The following CACNA1D variants were observed in gnomAD, a reference collection of about 807,000 sequenced individuals.
CACNA1D encodes voltage-dependent L-type calcium channel subunit alpha-1D.
Under a neutral mutation model 257.1 loss-of-function variants are expected in CACNA1D, and 55 were observed. The observed-to-expected ratio is 0.21, with a 90% CI of 0.17 to 0.27. The LOEUF is 0.27. Among genes scored for constraint, CACNA1D ranks in the 10% least tolerant of loss-of-function variants. CACNA1D has a pLI of 1.00. For synonymous variants in CACNA1D, 980 were observed against 1,014.9 expected (o/e 0.97, Z 0.65); for missense variants, 1,876 against 2,784.0 (o/e 0.67, Z 7.34).
chr3:53,538,141 G>GTTTTTTTTTTTTTTTTTTTT lies in CACNA1D; in HGVS notation c.483+36428_483+36447dup, dbSNP rs538996336. Reference sequence around the variant, plus strand: ...TTCTCCATATTTACCAGTTTTTGAAGTTTTTTTTTTTTTTTTTTTTTTTTT... The same window carrying GTTTTTTTTTTTTTTTTTTTT: ...TTCTCCATATTTACCAGTTTTTGAAGTTTTTTTTTTTTTTTTTTTTTTTTTTTTTTTTTTTTTTTTTTTTT... On this transcript the variant is annotated intron_variant, in intron 3 of 47. Coordinates refer to ENST00000350061, the MANE Select transcript of CACNA1D (RefSeq NM_001128840.3). Among the ~76,000 whole-genome samples the GTTTTTTTTTTTTTTTTTTTT allele has an allele frequency of 8.8e-5, 8 of 90,468 alleles. 2 individuals are homozygous for GTTTTTTTTTTTTTTTTTTTT. Among genetic ancestry groups the GTTTTTTTTTTTTTTTTTTTT allele is most frequent in the African/African-American group, 4.8e-4 (8 of 16,674 alleles). 59.4% of individuals were successfully genotyped at this position (90,468 alleles called of 152,430 possible).
rs149240046 is a variant in CACNA1D, at chr3:53,578,519, C to T, written c.484-72260C>T. On this transcript the variant is annotated intron_variant, in intron 3 of 47. Transcript: ENST00000350061. ...AAGTCTTTAAGGGGTCGAGTGAGGGCGTGGAGGAGGCAGCCTTCATCTTTC... is the reference window on the plus strand; with the variant it reads ...AAGTCTTTAAGGGGTCGAGTGAGGGTGTGGAGGAGGCAGCCTTCATCTTTC... Among the ~76,000 whole-genome samples the T allele has an allele frequency of 3.1e-3, 469 of 152,160 alleles. 3 individuals are homozygous for T. The highest frequency in any genetic ancestry group is 0.011 in the African/African-American group (437 of 41,500).
chr3:53,615,336 C>T (rs1050248233), intron 3 of CACNA1D, among the ~76,000 whole-genome samples: 22 of 152,206 alleles, frequency 1.4e-4, no homozygotes, highest in African/African-American at 4.1e-4. Context: ...GAGGATCACC[C>T]GGGTTCCAGA....
In CACNA1D at chr3:53,494,684, G is replaced by A; in HGVS notation, c.-483G>A. The A allele has an allele frequency of 6.8e-6, 1 of 146,084 alleles. No individual in the cohort carries two copies. Among genetic ancestry groups the A allele is most frequent in the South Asian group, 1.8e-4 (1 of 5,500 alleles). The allele number at this position is 146,084 out of a possible 1,614,324, so 9.0% of individuals were successfully genotyped here. ...CGAGCGCCTCCGTCCCCGGATGTGA[G>A]CTCCGGCTGCCCGCGGTCCCGAGCC... is the stretch of plus-strand genomic sequence containing the variant. On this transcript the variant is annotated 5_prime_UTR_variant, in exon 1 of 48. Transcript: ENST00000350061.
At chr3:53,803,311 G>C in intron 43 of CACNA1D, 112 bp from the exon 44 acceptor site, 1 of 1,181,202 alleles carries the variant, frequency 8.5e-7, no homozygotes. Context: ...GGTGCGCGCT[G>C]GGAGAAGCCA....
Position 53,743,052 on chromosome 3 carries a change from C to T in CACNA1D, c.2853C>T (p.Cys951=), listed in dbSNP as rs147169370. ...CTTTCCTCCACAAAGGGGCCTTCTG[C>T]AGGAACTACTTCAATTTGCTGGATA... ...FGAFLHKGAF[C]RNYFNLLDML... Residue 951 remains cysteine (C), a synonymous_variant, in exon 22 of 48, where the codon TGC becomes TGT. Transcript: ENST00000350061. 2.3e-4 allele frequency: 365 copies of T among 1,613,720 alleles called. 3 individuals carry two copies. In the East Asian group the frequency reaches 7.6e-3, roughly 33 times the overall value.
chr3:53,723,345 G>A lies in CACNA1D; in HGVS notation c.1667-89G>A. The A allele has an allele frequency of 1.1e-6, 1 of 906,572 alleles. No homozygotes were observed. The highest frequency in any genetic ancestry group is 1.9e-6 in the Non-Finnish European group (1 of 536,850). The allele number at this position is 906,572 out of a possible 1,614,324, so 56.2% of individuals were successfully genotyped here. On this transcript the variant is annotated intron_variant, in intron 12 of 47. Transcript: ENST00000350061. The surrounding 1 kb of genome is among the most constrained non-coding windows in gnomAD (Gnocchi z 5.6). ...CAAGGTATTGGCGTATTTCCTGTGG[G>A]GCCTGATAGGGAGGGAGGTGTGAGG... is the stretch of plus-strand genomic sequence containing the variant.
chr3:53,693,299 C>G (rs2094544876), intron 8 of CACNA1D, among the ~76,000 whole-genome samples: 1 of 152,168 alleles, frequency 6.6e-6, no homozygotes, highest in Admixed American at 6.5e-5. Flanking sequence ...CCACCCCACT[C>G]TGCCTATTGG....
At chr3:53,684,449 C>T (rs1414919281) in intron 8 of CACNA1D, among the ~76,000 whole-genome samples, 1 of 151,890 alleles carries the variant, frequency 6.6e-6, no homozygotes, top group African/African-American at 2.4e-5. Flanking sequence ...TGGAGAAACC[C>T]CGTCTCTACT....
At position 53,810,771 on chromosome 3, in the gene CACNA1D, A is replaced by C. The variant is rs1420316471; in HGVS notation, c.6193-342A>C. Among the ~76,000 whole-genome samples, 42 of 146,836 alleles carry C rather than the reference A, an allele frequency of 2.9e-4. 2 individuals carry two copies. Among genetic ancestry groups the C allele is most frequent in the Admixed American group, 2.0e-3 (26 of 13,176 alleles). ...AGACTCTTGTCTCAAAAAAAAAAAA[A>C]AAAAAAAAAAAAAAACAAAAACTGG... On this transcript the variant is annotated intron_variant, in intron 47 of 47. Transcript: ENST00000350061.
At chr3:53,566,166 C>T (rs536383770) in intron 3 of CACNA1D, among the ~76,000 whole-genome samples, 1 of 152,190 alleles carries the variant, frequency 6.6e-6, no homozygotes, top group Non-Finnish European at 1.5e-5. Context: ...ACCTGTCAGT[C>T]TGAAGTCTTC....
At chr3:53,740,587 G>C in intron 21 of CACNA1D, 1 of 456,294 alleles carries the variant, frequency 2.2e-6, no homozygotes, top group South Asian at 2.7e-5. Context: ...TGTCTTTCGT[G>C]GTTGAGCTAA....
chr3:53,806,201 C>T (rs1304536270), intron 45 of CACNA1D, among the ~76,000 whole-genome samples: 8 of 107,606 alleles, frequency 7.4e-5, no homozygotes, highest in African/African-American at 2.3e-4. Flanking sequence ...CCTCCCTCCT[C>T]CCTCATCTTC....
rs775566049 is a variant in CACNA1D, at chr3:53,811,152, C to A, written c.6232C>A (p.Pro2078Thr). ...AGGCTTGGGACGCTATGCAAGGGAC[C>A]CAAAATTTGTGTCAGCAACAAAACA... ...SEGLGRYARD[P>T]KFVSATKHEI... Residue 2078 changes from proline to threonine, a missense_variant, in exon 48 of 48, where the codon CCA becomes ACA. Coordinates refer to ENST00000350061, the MANE Select transcript of CACNA1D (RefSeq NM_001128840.3). This position sits in a 1 kb window ranked among gnomAD's most constrained non-coding sequence, Gnocchi z 4.2. 1 of 1,613,984 alleles carries A rather than the reference C, an allele frequency of 6.2e-7. No homozygotes were observed. Among genetic ancestry groups the A allele is most frequent in the South Asian group, 1.1e-5 (1 of 91,084 alleles).
chr3:53,566,019 T>C (rs1046764086), intron 3 of CACNA1D, among the ~76,000 whole-genome samples: 5 of 152,224 alleles, frequency 3.3e-5, no homozygotes, highest in African/African-American at 1.2e-4. Context: ...AGCAGTCAAA[T>C]TTCAAGTAAC....
intron 45 of CACNA1D, chr3:53,808,307 G>A (rs984013945): frequency 7.3e-5 from 22 of 301,458 alleles, no homozygotes; most frequent in East Asian, 6.3e-4. Context: ...CCAGCTACTC[G>A]GGAGGCTGAG....
In CACNA1D at chr3:53,800,250, C is replaced by T. The variant is rs2106766763; in HGVS notation, c.4925C>T (p.Ala1642Val). ...GTTCTGCCATTTTCATTGATCTAGG[C>T]GGGATTAAGGACACTGCATGACATT... ...PAKNTTIALQ[A>V]GLRTLHDIGP... The change falls in exon 41 of 48, where the codon GCG (alanine) becomes GTG (valine). Residue 1642 changes from alanine to valine, a missense_variant and splice_region_variant. Ala to Val is a moderately conservative substitution (Grantham distance 64). Coordinates refer to ENST00000350061, the MANE Select transcript of CACNA1D (RefSeq NM_001128840.3). The surrounding 1 kb of genome is among the most constrained non-coding windows in gnomAD (Gnocchi z 4.3). 1 of 1,607,596 alleles carries T rather than the reference C, an allele frequency of 6.2e-7. No homozygotes were observed. Among genetic ancestry groups the T allele is most frequent in the Non-Finnish European group, 8.5e-7 (1 of 1,174,020 alleles).
chr3:53,638,142 A>G (rs1157046348), intron 3 of CACNA1D, among the ~76,000 whole-genome samples: 1 of 152,236 alleles, frequency 6.6e-6, no homozygotes, highest in Admixed American at 6.5e-5. Context: ...ACCCACAGAC[A>G]TTCTTAGCCT....
At chr3:53,562,906 A>T (rs2092766220) in intron 3 of CACNA1D, among the ~76,000 whole-genome samples, 1 of 152,230 alleles carries the variant, frequency 6.6e-6, no homozygotes, top group South Asian at 2.1e-4. Context: ...GCAGTTCAGG[A>T]AACTGAGGCA....
intron 3 of CACNA1D, among the ~76,000 whole-genome samples, chr3:53,538,090 CATTT>C (rs1233346968): frequency 2.8e-5 from 4 of 143,364 alleles, no homozygotes; most frequent in Non-Finnish European, 6.0e-5. Context: ...ATTTCTGTGA[CATTT>C]ATTGGCTTAA....
Sources: gnomAD v4.1 joint callset for allele counts (sites outside exome capture counted in the v4.1 genomes callset) on GRCh38, gnomAD v4.1.1 for gene constraint, Gnocchi (gnomAD v3.1) non-coding constraint, MANE v1.5 for transcripts, NCBI Gene and HGNC (gene_info 2026-07-23, HGNC 2026-07-21) for gene names.